The following UBE2E2 variants were observed in gnomAD, a reference collection of about 807,000 sequenced individuals.
The protein encoded by UBE2E2 is ubiquitin conjugating enzyme E2 E2.
A neutral mutation model predicts 24.7 loss-of-function variants in UBE2E2; 6 were observed. The observed-to-expected ratio is 0.24, with a 90% CI of 0.13 to 0.48. The LOEUF (loss-of-function observed/expected upper bound fraction) is 0.48. Ranked by LOEUF, UBE2E2 falls within the 20% of genes least tolerant of loss-of-function variation. The pLI, the probability that UBE2E2 is intolerant of heterozygous loss-of-function variation, is 0.99. For missense variants in UBE2E2, 169 were observed against 245.0 expected (o/e 0.69, Z 2.07); for synonymous variants, 104 against 83.6 (o/e 1.24, Z -1.33).
chr3:23,477,481 T>A (rs1408832793), intron 3 of UBE2E2, among the ~76,000 whole-genome samples: 3 of 152,244 alleles, frequency 2.0e-5, no homozygotes, highest in African/African-American at 7.2e-5. Context: ...TGCTTACTGT[T>A]ATCTTCCCTT....
intron 3 of UBE2E2, among the ~76,000 whole-genome samples, chr3:23,367,663 G>C (rs1032450287): frequency 6.6e-6 from 1 of 152,062 alleles, no homozygotes; most frequent in South Asian, 2.1e-4. Context: ...CCGTGATTTC[G>C]TTCGGGCAGA....
chr3:23,281,875 GTTTA>G, intron 3 of UBE2E2, among the ~76,000 whole-genome samples: 1 of 152,224 alleles, frequency 6.6e-6, no homozygotes, highest in East Asian at 1.9e-4. Flanking sequence ...TCAAGAGTAG[GTTTA>G]TTGTTTGTTT....
intron 3 of UBE2E2, among the ~76,000 whole-genome samples, chr3:23,278,550 G>C (rs1269537831): frequency 1.3e-5 from 2 of 152,048 alleles, no homozygotes; most frequent in South Asian, 4.1e-4. Context: ...CAGCAAGGAG[G>C]TGCTTATAAT....
intron 3 of UBE2E2, among the ~76,000 whole-genome samples, chr3:23,318,081 C>T (rs771849398): frequency 6.6e-6 from 1 of 151,962 alleles, no homozygotes; most frequent in African/African-American, 2.4e-5. Flanking sequence ...CTTTTTGATT[C>T]TAATGGATAA....
At chr3:23,326,411 T>C (rs1477233583) in intron 3 of UBE2E2, among the ~76,000 whole-genome samples, 6 of 152,174 alleles carry the variant, frequency 3.9e-5, no homozygotes, top group African/African-American at 1.4e-4. Context: ...GTACCAATTA[T>C]CTGGCTTTTC....
chr3:23,384,241 C>T (rs1258392655), intron 3 of UBE2E2, among the ~76,000 whole-genome samples: 1 of 152,164 alleles, frequency 6.6e-6, no homozygotes, highest in African/African-American at 2.4e-5. Flanking sequence ...TGGCTCACTA[C>T]AGCCTCGACC....
intron 3 of UBE2E2, among the ~76,000 whole-genome samples, chr3:23,287,158 A>G (rs913387939): frequency 2.0e-5 from 3 of 152,068 alleles, no homozygotes; most frequent in Non-Finnish European, 4.4e-5. Context: ...GAATTTTATC[A>G]AATGCTTTTT....
intron 3 of UBE2E2, among the ~76,000 whole-genome samples, chr3:23,314,406 A>T (rs1575555007): frequency 1.3e-5 from 2 of 151,430 alleles, no homozygotes; most frequent in Non-Finnish European, 2.9e-5. Flanking sequence ...TTGGGATTAC[A>T]GGTGTGAGCC....
At chr3:23,587,284 T>A (rs1367573298) in intron 5 of UBE2E2, among the ~76,000 whole-genome samples, 1 of 152,218 alleles carries the variant, frequency 6.6e-6, no homozygotes, top group East Asian at 1.9e-4. Flanking sequence ...ATGACACATT[T>A]TCCCACCCCA....
At chr3:23,450,650 T>C (rs562202836) in intron 3 of UBE2E2, among the ~76,000 whole-genome samples, 112 of 152,264 alleles carry the variant, frequency 7.4e-4, no homozygotes, top group African/African-American at 2.6e-3. Context: ...ATTAAGAAAA[T>C]TTATTTAATT....
intron 3 of UBE2E2, among the ~76,000 whole-genome samples, chr3:23,456,605 A>G (rs141382591): frequency 1.3e-5 from 2 of 152,356 alleles, no homozygotes; most frequent in Non-Finnish European, 2.9e-5. Flanking sequence ...ATTGTCAGTG[A>G]GCAGTAGTGT....
At chr3:23,262,103 C>T (rs895145928) in intron 3 of UBE2E2, among the ~76,000 whole-genome samples, 29 of 152,182 alleles carry the variant, frequency 1.9e-4, no homozygotes, top group African/African-American at 6.8e-4. Context: ...GCACAGGGCA[C>T]CCTTTTCTCC....
chr3:23,308,771 G>A (rs763531960), intron 3 of UBE2E2, among the ~76,000 whole-genome samples: 3 of 152,136 alleles, frequency 2.0e-5, no homozygotes, highest in Non-Finnish European at 2.9e-5. Flanking sequence ...CCCGCCATAG[G>A]CCATCTGCAA....
At chr3:23,334,062 C>G (rs1264235314) in intron 3 of UBE2E2, among the ~76,000 whole-genome samples, 1 of 152,126 alleles carries the variant, frequency 6.6e-6, no homozygotes, top group Non-Finnish European at 1.5e-5. Flanking sequence ...AGAAAAGAAG[C>G]AGTTTCTATC....
At chr3:23,427,935 A>G (rs568346938) in intron 3 of UBE2E2, among the ~76,000 whole-genome samples, 22 of 152,232 alleles carry the variant, frequency 1.4e-4, no homozygotes, top group Non-Finnish European at 3.2e-4. Flanking sequence ...AACTTACAGA[A>G]CTATAAAGAG....
At position 23,357,561 on chromosome 3, in the gene UBE2E2, T is replaced by C. The variant is rs946108943; in HGVS notation, c.227+140249T>C. On this transcript the variant is annotated intron_variant, in intron 3 of 5. Transcript: ENST00000396703. ...TGTCTTAAAATGGTATGTGGAATTA[T>C]GTTCCCAAGAGGATCTGAAGAGTAT... 9.2e-5 allele frequency among the ~76,000 whole-genome samples: 14 copies of C among 152,344 alleles called. No individual in the cohort carries two copies. In the East Asian group the frequency reaches 1.9e-3, roughly 21 times the overall value.
intron 3 of UBE2E2, among the ~76,000 whole-genome samples, chr3:23,332,245 C>A (rs1477951752): frequency 1.3e-5 from 2 of 151,954 alleles, no homozygotes; most frequent in Admixed American, 1.3e-4. Context: ...TCCTGGGCAT[C>A]GATCCTCCTA....
intron 3 of UBE2E2, among the ~76,000 whole-genome samples, chr3:23,473,229 A>G (rs1051472640): frequency 4.0e-5 from 6 of 151,524 alleles, no homozygotes; most frequent in East Asian, 1.9e-4. Flanking sequence ...TTTAAATGGG[A>G]AAAAAAAGCA....
intron 4 of UBE2E2, among the ~76,000 whole-genome samples, chr3:23,530,840 T>A (rs1432623966): frequency 1.3e-5 from 2 of 152,192 alleles, no homozygotes; most frequent in Non-Finnish European, 2.9e-5. Flanking sequence ...TTATTAAGAC[T>A]GAGTACCATC....
Sources: gnomAD v4.1 joint callset for allele counts (sites outside exome capture counted in the v4.1 genomes callset) on GRCh38, gnomAD v4.1.1 for gene constraint, MANE v1.5 for transcripts, NCBI Gene and HGNC (gene_info 2026-07-23, HGNC 2026-07-21) for gene names.